Variants in KIDINS220 observed in about 807,000 individuals in gnomAD.
KIDINS220 encodes kinase D interacting substrate 220.
In KIDINS220, 63 loss-of-function variants were observed where a neutral mutation model predicts 157.6. That is an observed-to-expected ratio of 0.40 (90% confidence interval 0.33 to 0.49). The LOEUF is 0.49. Ranked by LOEUF, KIDINS220 falls within the 20% of genes least tolerant of loss-of-function variation. The pLI is 0.66. For synonymous variants in KIDINS220, 732 were observed against 783.6 expected, an observed-to-expected ratio of 0.93 and a Z score of 1.10; for missense variants, 1,772 against 2,171.2, an observed-to-expected ratio of 0.82 and a Z score of 3.65.
chr2:8,778,897 T>C lies in KIDINS220; in HGVS notation c.2613A>G (p.Thr871=). ...TNGDVPCSDT[T]GIQEDADRRV... ...GTACTTTAGGAGCCTGAGCTTTACC[T>C]GTAGTATCTGAGCATGGAACGTCTC... is the stretch of plus-strand genomic sequence containing the variant. Residue 871 remains threonine, a splice_region_variant and synonymous_variant, in exon 19 of 30, where the codon ACA becomes ACG. Transcript: ENST00000256707. 1 of 1,614,020 alleles carries C rather than the reference T, an allele frequency of 6.2e-7. No homozygotes were observed. Among genetic ancestry groups the C allele is most frequent in the South Asian group, 1.1e-5 (1 of 91,078 alleles).
chr2:8,746,298 G>T lies in KIDINS220; in HGVS notation c.3585+847C>A, dbSNP rs531863587. On this transcript the variant is annotated intron_variant, in intron 26 of 29. Transcript: ENST00000256707. ...TCGTATTTTCTTTAGTAGAGATAGGGTTTCACCATGTTGGCCAGGCTGGTC... is the reference window on the plus strand; with the variant it reads ...TCGTATTTTCTTTAGTAGAGATAGGTTTTCACCATGTTGGCCAGGCTGGTC... Among the ~76,000 whole-genome samples the T allele has an allele frequency of 3.0e-4, 45 of 151,510 alleles. No individual in the cohort carries two copies. In the East Asian group the frequency reaches 8.2e-3, roughly 28 times the overall value.
At chr2:8,784,310 A>T (rs1672100918) in intron 17 of KIDINS220, among the ~76,000 whole-genome samples, 1 of 152,210 alleles carries the variant, frequency 6.6e-6, no homozygotes. Context: ...CAAAAGTATA[A>T]AACACCTAGA....
chr2:8,757,206 C>T (rs1021951109), intron 22 of KIDINS220: 37 of 966,540 alleles, frequency 3.8e-5, no homozygotes, highest in Non-Finnish European at 4.6e-5. Context: ...TGTTTTTTCC[C>T]AACAAAAGTG....
At chr2:8,823,036 T>C (rs1269585775) in intron 2 of KIDINS220, among the ~76,000 whole-genome samples, 1 of 152,154 alleles carries the variant, frequency 6.6e-6, no homozygotes, top group Non-Finnish European at 1.5e-5. Context: ...AGTGTAGTGG[T>C]GCAGTCATAG....
At position 8,778,707 on chromosome 2, in the gene KIDINS220, T is replaced by C; in HGVS notation, c.2635A>G (p.Arg879Gly). 7 of 1,614,130 alleles carry C rather than the reference T, an allele frequency of 4.3e-6. No individual in the cohort carries two copies. Among genetic ancestry groups the C allele is most frequent in the Non-Finnish European group, 5.9e-6 (7 of 1,179,948 alleles). Residue 879 changes from arginine (R) to glycine (G), a missense_variant, in exon 20 of 30, where the codon AGA (arginine) becomes GGA (glycine). By Grantham distance (125) the Arg-to-Gly change is moderately radical. Transcript: ENST00000256707. ...CCAAGGCTGTTCTGTGAAACTCTTC[T>C]GTCAGCATCTTCCTGTATCCCTTAA... is the stretch of plus-strand genomic sequence containing the variant. ...DTTGIQEDADRRVSQNSLGEM... is the reference protein window; with the variant it reads ...DTTGIQEDADGRVSQNSLGEM...
intron 10 of KIDINS220, 26 bp downstream of exon 10, chr2:8,798,176 T>C: frequency 1.5e-6 from 2 of 1,359,866 alleles, no homozygotes; most frequent in Non-Finnish European, 2.1e-6. Flanking sequence ...AAGGTGCTGC[T>C]AACAGAATAG....
rs1423673168 is a variant in KIDINS220 at position 8,733,560 on chromosome 2, G to A, written c.3937C>T (p.Leu1313=). 3.7e-6 allele frequency: 6 copies of A among 1,614,128 alleles called. No individual in the cohort carries two copies. In the South Asian group the frequency reaches 4.4e-5, roughly 12 times the overall value. ...EPARRASHNE[L]PHTELSSQTP... Reference sequence around the variant, plus strand: ...TGGCTGGAGAGCTCGGTGTGAGGCAGCTCGTTGTGGGAAGCGCGGCGAGCA... The same window carrying A: ...TGGCTGGAGAGCTCGGTGTGAGGCAACTCGTTGTGGGAAGCGCGGCGAGCA... The change falls in exon 29 of 30, where the codon CTG becomes TTG. Residue 1313 remains leucine (L), a synonymous_variant. Coordinates refer to ENST00000256707, the MANE Select transcript of KIDINS220 (RefSeq NM_020738.4).
chr2:8,800,878 T>C (rs1355010317), intron 8 of KIDINS220, among the ~76,000 whole-genome samples: 1 of 152,204 alleles, frequency 6.6e-6, no homozygotes, highest in Non-Finnish European at 1.5e-5. Context: ...TAAAAATATC[T>C]TGGAATAATG....
rs1289729064 is a variant in KIDINS220 at position 8,822,642 on chromosome 2, A to C, written c.109-3849T>G. Among the ~76,000 whole-genome samples the C allele has an allele frequency of 2.0e-5, 3 of 152,168 alleles. No homozygotes were observed. In the East Asian group the frequency reaches 5.8e-4, roughly 29 times the overall value. On this transcript the variant is annotated intron_variant, in intron 2 of 29. Coordinates refer to ENST00000256707, the MANE Select transcript of KIDINS220 (RefSeq NM_020738.4). ...GCCCTGTCTCAAAAAAAATAAAATA[A>C]AATAAAGTTTACTCATAAACATACA...
At position 8,818,774 on chromosome 2, in the gene KIDINS220, A is replaced by T; in HGVS notation, c.128T>A (p.Met43Lys). 1 of 1,608,314 alleles carries T rather than the reference A, an allele frequency of 6.2e-7. No individual in the cohort carries two copies. The highest frequency in any genetic ancestry group is 8.5e-7 in the Non-Finnish European group (1 of 1,175,934). Residue 43 changes from methionine (M) to lysine (K), a missense_variant, in exon 3 of 30, where the codon ATG (methionine) becomes AAG (lysine). Physicochemically the swap from Met to Lys is moderately conservative, Grantham distance 95 (BLOSUM62 -1). This residue lies in a region of KIDINS220 where 254 missense variants were observed against 268.6 expected (regional missense o/e 0.95). Coordinates refer to ENST00000256707, the MANE Select transcript of KIDINS220 (RefSeq NM_020738.4). Reference protein sequence around the residue: ...ERNECGQTPLMIAAEQGNLEI... With the variant: ...ERNECGQTPLKIAAEQGNLEI... ...CAGATTGCCTTGTTCGGCAGCTATCATCAGTGGAGTCTGGCCACACTAGAG... is the reference window on the plus strand; with the variant it reads ...CAGATTGCCTTGTTCGGCAGCTATCTTCAGTGGAGTCTGGCCACACTAGAG...
chr2:8,830,484 T>G, intron 1 of KIDINS220, among the ~76,000 whole-genome samples: 1 of 152,188 alleles, frequency 6.6e-6, no homozygotes, highest in Non-Finnish European at 1.5e-5. Flanking sequence ...AGTAGCACGA[T>G]CATGGCTCAC....
chr2:8,731,075 G>T lies in KIDINS220; in HGVS notation c.4961C>A (p.Ser1654Tyr), dbSNP rs778969597. 3.7e-6 allele frequency: 6 copies of T among 1,614,214 alleles called. No homozygotes were observed. The highest frequency in any genetic ancestry group is 5.1e-6 in the Non-Finnish European group (6 of 1,180,042). Residue 1654 changes from serine to tyrosine, a missense_variant, in exon 30 of 30, where the codon TCC becomes TAC. Coordinates refer to ENST00000256707, the MANE Select transcript of KIDINS220 (RefSeq NM_020738.4). The surrounding 1 kb of genome is among the most constrained non-coding windows in gnomAD (Gnocchi z 5.2). The part of the protein sequence containing the change: ...SICSEDKKSP[S>Y]ECSLIASSPE... ...GCTGCTGGCTATCAAGCTGCATTCG[G>T]AAGGGCTTTTCTTGTCTTCTGAACA...
chr2:8,797,359 A>C (rs1262650541), intron 10 of KIDINS220, among the ~76,000 whole-genome samples: 1 of 152,230 alleles, frequency 6.6e-6, no homozygotes, highest in East Asian at 1.9e-4. Context: ...TGCTTTCAAA[A>C]CCAAAGGAAG....
At chr2:8,814,235 G>T (rs374404455) in intron 4 of KIDINS220, among the ~76,000 whole-genome samples, 1 of 152,002 alleles carries the variant, frequency 6.6e-6, no homozygotes, top group Non-Finnish European at 1.5e-5. Context: ...CCTTAACTAC[G>T]ATACGATTCA....
At chr2:8,798,790 T>C (rs1674303548) in intron 9 of KIDINS220, among the ~76,000 whole-genome samples, 1 of 152,206 alleles carries the variant, frequency 6.6e-6, no homozygotes, top group Non-Finnish European at 1.5e-5. Context: ...ATCAGATCTT[T>C]AAAATCTTAT....
At chr2:8,771,728 T>A (rs1670264915) in intron 21 of KIDINS220, among the ~76,000 whole-genome samples, 1 of 152,188 alleles carries the variant, frequency 6.6e-6, no homozygotes, top group Non-Finnish European at 1.5e-5. Context: ...TATAGATATA[T>A]AAGCCCCAAT....
At chr2:8,812,287 T>C in intron 6 of KIDINS220, 108 bp downstream of exon 6, 1 of 437,566 alleles carries the variant, frequency 2.3e-6, no homozygotes, top group Admixed American at 4.2e-5. Context: ...TATACAAAAA[T>C]ATAAAATACA....
chr2:8,772,878 A>G (rs1233467752), intron 21 of KIDINS220, among the ~76,000 whole-genome samples: 2 of 152,178 alleles, frequency 1.3e-5, no homozygotes, highest in Non-Finnish European at 2.9e-5. Flanking sequence ...TTTTGCATAC[A>G]TGGGAAATGG....
chr2:8,757,173 C>A (rs1668117924), intron 22 of KIDINS220: 7 of 730,010 alleles, frequency 9.6e-6, no homozygotes, highest in South Asian at 6.2e-5. Context: ...CAAGATGCAA[C>A]CATTAGTTCA....
Sources: allele counts gnomAD v4.1 joint callset (sites outside exome capture counted in the v4.1 genomes callset), GRCh38; gene constraint gnomAD v4.1.1; regional missense constraint gnomAD v4.1.1; non-coding constraint Gnocchi (gnomAD v3.1); transcripts MANE v1.5; gene names NCBI Gene and HGNC (gene_info 2026-07-23, HGNC 2026-07-21).